INPP4A: variants seen among roughly 807,000 people sequenced by gnomAD.
The protein encoded by INPP4A is inositol polyphosphate-4-phosphatase, type I, 107kD.
In INPP4A, 33 loss-of-function variants were observed where a neutral mutation model predicts 119.8. The observed-to-expected ratio is 0.28, with a 90% CI of 0.21 to 0.37. The LOEUF is 0.37. INPP4A is among the 10% of genes least tolerant of loss of function. INPP4A has a pLI of 1.00. For synonymous variants in INPP4A, 496 were observed against 500.7 expected (o/e 0.99, Z 0.12); for missense variants, 956 against 1,289.9 (o/e 0.74, Z 3.97).
At chr2:98,461,961 C>A (rs568537694) in intron 1 of INPP4A, among the ~76,000 whole-genome samples, 22 of 152,350 alleles carry the variant, frequency 1.4e-4, no homozygotes, top group African/African-American at 5.3e-4. Flanking sequence ...AGCTGCACCC[C>A]CCTTGCTCTG....
intron 8 of INPP4A, among the ~76,000 whole-genome samples, chr2:98,538,326 C>T (rs1314232048): frequency 2.0e-5 from 3 of 152,166 alleles, no homozygotes; most frequent in Non-Finnish European, 4.4e-5. Context: ...GTCATCTGTC[C>T]TGTTTTAATA....
At position 98,588,274 on chromosome 2, in the gene INPP4A, T is replaced by C. The variant is rs373018601; in HGVS notation, c.*666T>C. On this transcript the variant is annotated 3_prime_UTR_variant, in exon 25 of 25. Transcript: ENST00000409851. ...GGGCCACTCTTTTTTCTGTCCCTTA[T>C]GAGTTACAGAACAGGGAGTCTGCTG... The C allele has an allele frequency of 1.9e-5, 4 of 205,916 alleles. No individual in the cohort carries two copies. The highest frequency in any genetic ancestry group is 1.5e-4 in the East Asian group (2 of 13,454). The allele number at this position is 205,916 out of a possible 1,614,324, so 12.8% of individuals were successfully genotyped here. A position where few individuals can be genotyped will look rare whatever the true frequency, so the allele number is the denominator to read the frequency against.
intron 23 of INPP4A, among the ~76,000 whole-genome samples, chr2:98,575,575 C>G (rs771492730): frequency 6.6e-6 from 1 of 152,034 alleles, no homozygotes; most frequent in Non-Finnish European, 1.5e-5. Context: ...CAGAAGAAGC[C>G]TATTCTCCTT....
chr2:98,515,973 T>C (rs1686052322), intron 1 of INPP4A, among the ~76,000 whole-genome samples: 1 of 152,188 alleles, frequency 6.6e-6, no homozygotes, highest in Admixed American at 6.5e-5. Context: ...GAGTGAGGAA[T>C]GGGAGCTGCT....
chr2:98,559,987 A>G (rs1695174746), intron 17 of INPP4A, among the ~76,000 whole-genome samples: 1 of 152,252 alleles, frequency 6.6e-6, no homozygotes, highest in Non-Finnish European at 1.5e-5. Context: ...CTTATAAATA[A>G]TGTTTTGTTA....
Position 98,539,669 on chromosome 2 carries a change from C to T in INPP4A, c.812C>T (p.Ala271Val). The T allele has an allele frequency of 6.2e-7, 1 of 1,607,454 alleles. No individual in the cohort carries two copies. Among genetic ancestry groups the T allele is most frequent in the Non-Finnish European group, 8.5e-7 (1 of 1,177,184 alleles). Reference sequence around the variant, plus strand: ...GTGAAGCTCCTACTAGAGGAAGATGCAGCCAGGTGAGGCCACATGGAAGGA... The same window carrying T: ...GTGAAGCTCCTACTAGAGGAAGATGTAGCCAGGTGAGGCCACATGGAAGGA... ...QFVKLLLEED[A>V]ARVCELEELG... The change falls in exon 10 of 25, where the codon GCA becomes GTA. Residue 271 changes from alanine to valine, a missense_variant. Ala to Val is a moderately conservative substitution (Grantham distance 64). Transcript: ENST00000409851.
chr2:98,461,778 T>C (rs1320631958), intron 1 of INPP4A, among the ~76,000 whole-genome samples: 1 of 152,234 alleles, frequency 6.6e-6, no homozygotes, highest in Admixed American at 6.5e-5. Context: ...GTGCTCGCTG[T>C]GTGCCTCTTC....
chr2:98,563,369 C>A, intron 17 of INPP4A, 96 bp from the exon 18 acceptor site: 1 of 1,121,088 alleles, frequency 8.9e-7, no homozygotes, highest in Non-Finnish European at 1.3e-6. Context: ...AGTGGGAGGA[C>A]TGCAGTGGTT....
intron 24 of INPP4A, among the ~76,000 whole-genome samples, chr2:98,582,828 A>G (rs998506499): frequency 6.6e-6 from 1 of 152,164 alleles, no homozygotes; most frequent in Non-Finnish European, 1.5e-5. Context: ...CACCTAGTGC[A>G]TAAGTCAGAC....
chr2:98,485,459 A>G (rs1183248854), intron 1 of INPP4A, among the ~76,000 whole-genome samples: 1 of 152,080 alleles, frequency 6.6e-6, no homozygotes, highest in Non-Finnish European at 1.5e-5. Context: ...TAAGAGAACT[A>G]TGGCAATCAT....
At chr2:98,518,771 G>A (rs979900075) in intron 1 of INPP4A, among the ~76,000 whole-genome samples, 193 bp from the exon 2 acceptor site, 5 of 152,174 alleles carry the variant, frequency 3.3e-5, no homozygotes, top group African/African-American at 9.7e-5. Flanking sequence ...CAGGGGAGAG[G>A]AATATGTGCT....
chr2:98,523,194 G>A (rs1687543221), intron 4 of INPP4A, among the ~76,000 whole-genome samples: 1 of 152,210 alleles, frequency 6.6e-6, no homozygotes, highest in Non-Finnish European at 1.5e-5. Flanking sequence ...CATATGGAGA[G>A]AGAATGACAG....
intron 4 of INPP4A, among the ~76,000 whole-genome samples, chr2:98,526,006 A>G (rs1342093305): frequency 7.9e-5 from 12 of 152,252 alleles, no homozygotes; most frequent in Non-Finnish European, 2.9e-5. Flanking sequence ...ATGAACAACA[A>G]CATTTATGTC....
In INPP4A at chr2:98,589,270, T is replaced by G; in HGVS notation, c.*1662T>G. On this transcript the variant is annotated 3_prime_UTR_variant, in exon 25 of 25. Transcript: ENST00000409851. Reference sequence around the variant, plus strand: ...ACAGGTGGCTGCTGCTGGTATCAGATTCTCCTTTTTAAGTGTCAATTTCTG... The same window carrying G: ...ACAGGTGGCTGCTGCTGGTATCAGAGTCTCCTTTTTAAGTGTCAATTTCTG... The G allele has an allele frequency of 5.4e-6, 1 of 184,658 alleles. No homozygotes were observed. Among genetic ancestry groups the G allele is most frequent in the Non-Finnish European group, 1.1e-5 (1 of 87,116 alleles). 11.4% of individuals were successfully genotyped at this position (184,658 alleles called of 1,614,324 possible).
chr2:98,583,002 C>T (rs1699545034), intron 24 of INPP4A, among the ~76,000 whole-genome samples: 1 of 151,888 alleles, frequency 6.6e-6, no homozygotes, highest in African/African-American at 2.4e-5. Context: ...AGATCACCTA[C>T]TGCATACGCC....
intron 1 of INPP4A, among the ~76,000 whole-genome samples, chr2:98,518,669 A>G (rs1686603354): frequency 1.3e-5 from 2 of 152,140 alleles, no homozygotes; most frequent in African/African-American, 4.8e-5. Flanking sequence ...GAGTGGGGAA[A>G]CTGGTCTCAC....
intron 8 of INPP4A, among the ~76,000 whole-genome samples, chr2:98,538,517 G>A (rs547926126): frequency 1.3e-5 from 2 of 152,266 alleles, no homozygotes; most frequent in East Asian, 3.9e-4. Flanking sequence ...GAGCCCTAGC[G>A]CTGGTAAGTA....
intron 1 of INPP4A, among the ~76,000 whole-genome samples, chr2:98,501,050 A>G (rs1243528830): frequency 2.0e-5 from 3 of 152,236 alleles, no homozygotes; most frequent in Admixed American, 1.3e-4. Context: ...GGTCAGGCCT[A>G]TAATCCCAGC....
At chr2:98,528,583 CAAAG>C (rs886258612) in intron 4 of INPP4A, among the ~76,000 whole-genome samples, 1 of 151,554 alleles carries the variant, frequency 6.6e-6, no homozygotes, top group African/African-American at 2.4e-5. Flanking sequence ...AGGATAAACT[CAAAG>C]AGATCCACAC....
Sources: allele counts gnomAD v4.1 joint callset (sites outside exome capture counted in the v4.1 genomes callset), GRCh38; gene constraint gnomAD v4.1.1; transcripts MANE v1.5; gene names NCBI Gene and HGNC (gene_info 2026-07-23, HGNC 2026-07-21).